Variants in ANKS1B observed in about 807,000 individuals in gnomAD.
ANKS1B encodes the protein ankyrin repeat and sterile alpha motif domain-containing protein 1B.
Under a neutral mutation model 148.3 loss-of-function variants are expected in ANKS1B, and 36 were observed. That is an observed-to-expected ratio of 0.24 (90% CI 0.19 to 0.32). ANKS1B has a LOEUF of 0.32. Ranked by LOEUF, ANKS1B falls within the 10% of genes least tolerant of loss-of-function variation. The pLI is 1.00. For missense variants in ANKS1B, 1,157 were observed against 1,542.6 expected (o/e 0.75, Z 4.19); for synonymous variants, 542 against 560.8 (o/e 0.97, Z 0.47).
intron 9 of ANKS1B, among the ~76,000 whole-genome samples, chr12:99,609,487 C>T (rs1391233364): frequency 6.6e-6 from 1 of 151,580 alleles, no homozygotes; most frequent in Non-Finnish European, 1.5e-5. Context: ...TTTGCTACCA[C>T]AGGACCAAGC....
chr12:99,541,274 A>C (rs1596624405), intron 9 of ANKS1B, among the ~76,000 whole-genome samples: 1 of 152,208 alleles, frequency 6.6e-6, no homozygotes, highest in East Asian at 1.9e-4. Context: ...ACACTTTCAA[A>C]TTCATTTTAG....
intron 8 of ANKS1B, among the ~76,000 whole-genome samples, chr12:99,717,420 C>T (rs897154999): frequency 2.0e-5 from 3 of 152,212 alleles, no homozygotes; most frequent in African/African-American, 7.2e-5. Flanking sequence ...ACCGCAGTGG[C>T]CAGGTGTTCC....
chr12:99,899,368 T>C (rs1308821425), intron 1 of ANKS1B, among the ~76,000 whole-genome samples: 2 of 152,172 alleles, frequency 1.3e-5, no homozygotes, highest in South Asian at 2.1e-4. Flanking sequence ...TAGTTTAATA[T>C]TGTTTCCCTC....
At chr12:99,062,877 G>A (rs959895245) in intron 16 of ANKS1B, among the ~76,000 whole-genome samples, 2 of 152,226 alleles carry the variant, frequency 1.3e-5, no homozygotes, top group Non-Finnish European at 2.9e-5. Flanking sequence ...TTGAAATTAC[G>A]GATCTGACAA....
chr12:99,906,120 G>A lies in ANKS1B; in HGVS notation c.134+77984C>T, dbSNP rs888566727. On this transcript the variant is annotated intron_variant, in intron 1 of 26. Coordinates refer to ENST00000683438, the MANE Select transcript of ANKS1B (RefSeq NM_001352186.2). ...TATGTTACAAATTATGGGTGTTCTG[G>A]CCACACTCAGAAATTCTTAGGAGTA... Among the ~76,000 whole-genome samples the A allele has an allele frequency of 9.9e-5, 15 of 152,258 alleles. No individual in the cohort carries two copies. The East Asian group carries it at 2.5e-3, about 25-fold the overall frequency.
chr12:99,124,082 C>A (rs984228606), intron 15 of ANKS1B, among the ~76,000 whole-genome samples: 1 of 152,056 alleles, frequency 6.6e-6, no homozygotes, highest in Non-Finnish European at 1.5e-5. Flanking sequence ...AGACAGGAAA[C>A]GAATGCAGAG....
chr12:98,807,508 A>G (rs2099059857), intron 20 of ANKS1B, among the ~76,000 whole-genome samples: 2 of 149,988 alleles, frequency 1.3e-5, no homozygotes, highest in African/African-American at 2.5e-5. Context: ...TGATATATAC[A>G]TGTGTGTATA....
intron 4 of ANKS1B, among the ~76,000 whole-genome samples, chr12:99,790,488 A>G (rs2065511346): frequency 6.6e-6 from 1 of 152,154 alleles, no homozygotes; most frequent in East Asian, 1.9e-4. Flanking sequence ...TACGGTGTGA[A>G]AACTACTTTT....
chr12:98,880,852 T>C (rs894337230), intron 17 of ANKS1B, among the ~76,000 whole-genome samples: 1 of 152,090 alleles, frequency 6.6e-6, no homozygotes, highest in African/African-American at 2.4e-5. Context: ...AAGCTTTGTA[T>C]AAATACAGTT....
intron 16 of ANKS1B, among the ~76,000 whole-genome samples, chr12:99,079,407 A>G (rs1055434085): frequency 2.0e-5 from 3 of 152,214 alleles, no homozygotes; most frequent in African/African-American, 7.2e-5. Flanking sequence ...AAATATATGT[A>G]GCTCCAATAA....
At chr12:99,190,622 G>A (rs570469235) in intron 14 of ANKS1B, among the ~76,000 whole-genome samples, 32 of 152,208 alleles carry the variant, frequency 2.1e-4, no homozygotes, top group African/African-American at 7.2e-4. Flanking sequence ...AATACTGCTG[G>A]GAAAACTGGC....
chr12:98,757,357 T>A lies in ANKS1B; in HGVS notation c.3580-5835A>T, dbSNP rs768723836. Among the ~76,000 whole-genome samples the A allele has an allele frequency of 2.6e-4, 39 of 152,248 alleles. 1 individual carries two copies. The highest frequency in any genetic ancestry group is 1.2e-4 in the Non-Finnish European group (8 of 68,040). On this transcript the variant is annotated intron_variant, in intron 25 of 26. Transcript: ENST00000683438. ...CCACGCCCAGCCCAGATCCCTGACT[T>A]ACAGAATTGTGAACATAATAAATGG...
chr12:99,471,619 A>T (rs1335103147), intron 10 of ANKS1B, among the ~76,000 whole-genome samples: 12 of 151,736 alleles, frequency 7.9e-5, no homozygotes, highest in Non-Finnish European at 1.6e-4. Context: ...TGTAATGAGT[A>T]GACATAAAAC....
chr12:99,598,929 G>C (rs943896257), intron 9 of ANKS1B, among the ~76,000 whole-genome samples: 2 of 152,018 alleles, frequency 1.3e-5, no homozygotes, highest in Non-Finnish European at 2.9e-5. Flanking sequence ...TGTTGGGTGG[G>C]CCACGCTCCC....
chr12:98,794,390 CTCAAAAAAAAAAAAA>C, intron 22 of ANKS1B: 1 of 141,770 alleles, frequency 7.1e-6, no homozygotes, highest in South Asian at 5.7e-5. Flanking sequence ...GAAACTCTGT[CTCAAAAAAAAAAAAA>C]AAAAAAAAAA....
At chr12:99,522,195 C>T (rs2096881808) in intron 9 of ANKS1B, among the ~76,000 whole-genome samples, 1 of 152,110 alleles carries the variant, frequency 6.6e-6, no homozygotes, top group Admixed American at 6.6e-5. Flanking sequence ...TAGTAGCAGG[C>T]CTAGGACTGT....
intron 8 of ANKS1B, among the ~76,000 whole-genome samples, chr12:99,686,609 A>G (rs1270610959): frequency 1.3e-5 from 2 of 152,194 alleles, no homozygotes; most frequent in African/African-American, 4.8e-5. Context: ...ACCAAGCAAG[A>G]TATCACTCAC....
At chr12:99,242,912 T>C (rs905755978) in intron 14 of ANKS1B, among the ~76,000 whole-genome samples, 14 of 152,160 alleles carry the variant, frequency 9.2e-5, no homozygotes, top group Non-Finnish European at 1.5e-4. Context: ...TTAATGACTT[T>C]AATGTAAGAC....
downstream of ANKS1B, among the ~76,000 whole-genome samples, chr12:98,740,252 C>T (rs964344938): frequency 6.6e-6 from 1 of 152,150 alleles, no homozygotes; most frequent in East Asian, 1.9e-4. Context: ...CCTAGGGAGG[C>T]TTTAAATGTC....
Sources: gnomAD v4.1 joint callset for allele counts (sites outside exome capture counted in the v4.1 genomes callset) on GRCh38, gnomAD v4.1.1 for gene constraint, MANE v1.5 for transcripts, NCBI Gene and HGNC (gene_info 2026-07-23, HGNC 2026-07-21) for gene names.